The following LRP5 variants were observed in gnomAD, a reference collection of about 807,000 sequenced individuals.
The protein encoded by LRP5 is LDL receptor related protein 5.
In LRP5, 62 loss-of-function variants were observed where a neutral mutation model predicts 154.1. That is an observed-to-expected ratio of 0.40 (90% CI 0.33 to 0.50). LRP5 has a LOEUF of 0.50. Among genes scored for constraint, LRP5 ranks in the 20% least tolerant of loss-of-function variants. The pLI, the probability that LRP5 is intolerant of heterozygous loss-of-function variation, is 0.55. For missense variants in LRP5, 1,915 were observed against 2,336.7 expected (o/e 0.82, Z 3.72); for synonymous variants, 966 against 1,011.5 (o/e 0.96, Z 0.85).
Position 68,386,267 on chromosome 11 carries a change from G to T in LRP5, c.1016-49G>T. 6.2e-7 allele frequency: 1 copy of T among 1,604,272 alleles called. No homozygotes were observed. Among genetic ancestry groups the T allele is most frequent in the Non-Finnish European group, 8.5e-7 (1 of 1,179,450 alleles). On this transcript the variant is annotated intron_variant, in intron 5 of 22. Coordinates refer to ENST00000294304, the MANE Select transcript of LRP5 (RefSeq NM_002335.4). This position sits in a 1 kb window ranked among gnomAD's most constrained non-coding sequence, Gnocchi z 7.9. ...CGGCCCACCCCAGGCCTAGACTTGT[G>T]CCTGCTGCAGGCCCTTGACCCCTGA...
chr11:68,425,351 C>T, intron 15 of LRP5, 59 bp downstream of exon 15: 1 of 1,516,588 alleles, frequency 6.6e-7, no homozygotes, highest in African/African-American at 1.4e-5. Flanking sequence ...TCAGTAATGG[C>T]AGCAGCTGCC....
chr11:68,341,798 C>G (rs1338768948), intron 1 of LRP5, among the ~76,000 whole-genome samples: 1 of 152,178 alleles, frequency 6.6e-6, no homozygotes, highest in African/African-American at 2.4e-5. Flanking sequence ...CCCCGACCCA[C>G]TTCACCCTGC....
chr11:68,438,381 C>G (rs1565116510), intron 19 of LRP5, 65 bp from the exon 20 acceptor site: 1 of 1,439,174 alleles, frequency 6.9e-7, no homozygotes, highest in Non-Finnish European at 9.8e-7. Flanking sequence ...ACGGTGTCTG[C>G]CCCCAAGGAG....
Position 68,425,287 on chromosome 11 carries a change from T to C in LRP5, c.3422T>C (p.Leu1141Pro), listed in dbSNP as rs1457319820. The C allele has an allele frequency of 6.2e-7, 1 of 1,607,380 alleles. No homozygotes were observed. Among genetic ancestry groups the C allele is most frequent in the Non-Finnish European group, 8.5e-7 (1 of 1,179,754 alleles). ...ADLKRIESCD[L>P]SGANRLTLED... ...CTGAAGCGCATTGAGAGCTGTGACC[T>C]GTCAGGTACGCGCCCCGGGGCCTGC... The change falls in exon 15 of 23, where the codon CTG becomes CCG. Residue 1141 changes from leucine to proline, a missense_variant. This residue lies in a region of LRP5 where 1,094 missense variants were observed against 1,210.1 expected (regional missense o/e 0.90). Coordinates refer to ENST00000294304, the MANE Select transcript of LRP5 (RefSeq NM_002335.4).
At chr11:68,438,394 C>T in intron 19 of LRP5, 52 bp from the exon 20 acceptor site, 2 of 1,508,220 alleles carry the variant, frequency 1.3e-6, no homozygotes, top group Non-Finnish European at 1.8e-6. Context: ...CCAAGGAGGG[C>T]CCATTCCGTT....
At position 68,382,578 on chromosome 11, in the gene LRP5, C is replaced by T. The variant is rs376833986; in HGVS notation, c.1016-3738C>T. ...CTGAGGGCAGATTCCAAGTCTGTTT[C>T]GTCCACCCCTCCTTCCCTAGCAGCG... On this transcript the variant is annotated intron_variant, in intron 5 of 22. Coordinates refer to ENST00000294304, the MANE Select transcript of LRP5 (RefSeq NM_002335.4). Among the ~76,000 whole-genome samples, 24 of 152,330 alleles carry T rather than the reference C, an allele frequency of 1.6e-4. No individual in the cohort carries two copies. In the East Asian group the frequency reaches 3.9e-3, roughly 24 times the overall value.
In LRP5 at chr11:68,373,636, G is replaced by A. The variant is rs185414021; in HGVS notation, c.1015+7934G>A. On this transcript the variant is annotated intron_variant, in intron 5 of 22. Transcript: ENST00000294304. ...AGTCACTCTCATCCCCAGCAGTCGA[G>A]TGCAGAGCCTGGGCCTCCGGCCTCC... 3.9e-3 allele frequency among the ~76,000 whole-genome samples: 593 copies of A among 152,354 alleles called. 3 individuals are homozygous for A. Among genetic ancestry groups the A allele is most frequent in the Non-Finnish European group, 6.6e-3 (447 of 68,034 alleles).
At chr11:68,350,594 G>A (rs949480198) in intron 2 of LRP5, among the ~76,000 whole-genome samples, 4 of 152,244 alleles carry the variant, frequency 2.6e-5, no homozygotes, top group East Asian at 3.9e-4. Context: ...GGAGCCGGGC[G>A]GGAGGGGCTG....
intron 19 of LRP5, 103 bp downstream of exon 19, chr11:68,437,102 G>A (rs1406349979): frequency 1.0e-6 from 1 of 991,364 alleles, no homozygotes; most frequent in Non-Finnish European, 1.6e-6. Context: ...GCTGGGGGCT[G>A]TGTGGGAGAC....
intron 3 of LRP5, 35 bp downstream of exon 3, chr11:68,357,882 C>G (rs1270962772): frequency 6.3e-7 from 1 of 1,576,256 alleles, no homozygotes; most frequent in African/African-American, 1.4e-5. Flanking sequence ...CACCCCTTTC[C>G]CCTTTGTCCC....
chr11:68,365,985 C>T (rs2098630860), intron 5 of LRP5, among the ~76,000 whole-genome samples: 1 of 152,154 alleles, frequency 6.6e-6, no homozygotes, highest in Admixed American at 6.5e-5. Flanking sequence ...CTTGGTGCTT[C>T]CTGGGACTGT....
chr11:68,300,732 G>T, the LRP5 span, among the ~76,000 whole-genome samples: 6 of 149,490 alleles, frequency 4.0e-5, 2 homozygotes, highest in Non-Finnish European at 9.0e-5. Flanking sequence ...CTCTGTCACC[G>T]TGCTCCAGCA....
In LRP5 at chr11:68,447,994, C is replaced by G. The variant is rs1028325423; in HGVS notation, c.4587-815C>G. ...TCTCACGCTGCTAATAAAGACATAC[C>G]CAAGACTGGGTAATTGTAAAGGAAA... On this transcript the variant is annotated intron_variant, in intron 22 of 22. Transcript: ENST00000294304. The surrounding 1 kb of genome is among the most constrained non-coding windows in gnomAD (Gnocchi z 4.3). Among the ~76,000 whole-genome samples, 2 of 152,122 alleles carry G rather than the reference C, an allele frequency of 1.3e-5. No individual in the cohort carries two copies. Among genetic ancestry groups the G allele is most frequent in the Admixed American group, 6.5e-5 (1 of 15,274 alleles).
chr11:68,341,429 T>C (rs1454586887), intron 1 of LRP5, among the ~76,000 whole-genome samples: 2 of 152,092 alleles, frequency 1.3e-5, no homozygotes, highest in Admixed American at 6.5e-5. Context: ...GCCCCAGGTC[T>C]GTTGCCCTCC....
chr11:68,372,993 A>T (rs1444916864), intron 5 of LRP5, among the ~76,000 whole-genome samples: 2 of 151,058 alleles, frequency 1.3e-5, no homozygotes, highest in African/African-American at 2.4e-5. Context: ...CAACGCACCC[A>T]CTCCACCAGA....
intron 1 of LRP5, among the ~76,000 whole-genome samples, chr11:68,347,064 C>G (rs960265779): frequency 1.3e-5 from 2 of 152,158 alleles, no homozygotes; most frequent in Non-Finnish European, 2.9e-5. Context: ...GCAGGCAGAT[C>G]AGGAATGCTT....
At chr11:68,442,359 C>A (rs2098678649) in intron 21 of LRP5, among the ~76,000 whole-genome samples, 1 of 152,226 alleles carries the variant, frequency 6.6e-6, no homozygotes. Context: ...ACTGCAGCCT[C>A]AAACTCCTGG....
At chr11:68,384,311 A>G (rs1407663452) in intron 5 of LRP5, among the ~76,000 whole-genome samples, 1 of 152,056 alleles carries the variant, frequency 6.6e-6, no homozygotes, top group Non-Finnish European at 1.5e-5. Flanking sequence ...CACTCAGGAG[A>G]TCTGGCAGTT....
At chr11:68,446,310 G>A (rs2098681386) in intron 21 of LRP5, 126 bp from the exon 22 acceptor site, 1 of 745,040 alleles carries the variant, frequency 1.3e-6, no homozygotes, top group Non-Finnish European at 2.4e-6. Flanking sequence ...CTGGCCAGAG[G>A]AAGGGGTCCT....
Sources: gnomAD v4.1 joint callset for allele counts (sites outside exome capture counted in the v4.1 genomes callset) on GRCh38, gnomAD v4.1.1 for gene constraint, gnomAD v4.1.1 regional missense constraint, Gnocchi (gnomAD v3.1) non-coding constraint, MANE v1.5 for transcripts, NCBI Gene and HGNC (gene_info 2026-07-23, HGNC 2026-07-21) for gene names.